The following CAPN9 variants were observed in gnomAD, a reference collection of about 807,000 sequenced individuals.
The protein encoded by CAPN9 is calpain 9.
A neutral mutation model predicts 92.8 loss-of-function variants in CAPN9; 81 were observed. The observed-to-expected ratio is 0.87, with a 90% CI of 0.73 to 1.05. The LOEUF (loss-of-function observed/expected upper bound fraction) is 1.05, where lower values mean the gene tolerates loss of function less well. Among genes scored for constraint, CAPN9 ranks in the 50% least tolerant of loss-of-function variants. The probability of loss-of-function intolerance (pLI) is 0.00; values close to 1 mark genes in which losing one functional copy is unlikely to be tolerated. For synonymous variants in CAPN9, 304 were observed against 328.0 expected, an observed-to-expected ratio of 0.93 and a Z score of 0.79; for missense variants, 848 against 866.2, an observed-to-expected ratio of 0.98 and a Z score of 0.26.
intron 17 of CAPN9, among the ~76,000 whole-genome samples, chr1:230,794,524 T>C (rs942497608): frequency 7.2e-5 from 11 of 151,882 alleles, no homozygotes; most frequent in African/African-American, 2.2e-4. Flanking sequence ...GAAGTTCACT[T>C]TGTCTAAACT....
At chr1:230,767,488 A>T (rs11122590) in intron 4 of CAPN9, 53 bp from the exon 5 acceptor site, 1 of 1,450,576 alleles carries the variant, frequency 6.9e-7, no homozygotes, top group Admixed American at 2.2e-5. Context: ...AGGGTGCCCC[A>T]GTGGCCTCCC....
At chr1:230,773,010 C>T (rs1231605381) in intron 7 of CAPN9, among the ~76,000 whole-genome samples, 1 of 152,038 alleles carries the variant, frequency 6.6e-6, no homozygotes, top group East Asian at 1.9e-4. Context: ...AAGCCCTTTC[C>T]TGCCACATCC....
At position 230,760,646 on chromosome 1, in the gene CAPN9, C is replaced by T. The variant is rs372056105; in HGVS notation, c.402+1016C>T. 1.4e-4 allele frequency among the ~76,000 whole-genome samples: 22 copies of T among 152,296 alleles called. No individual in the cohort carries two copies. The East Asian group carries it at 4.1e-3, about 28-fold the overall frequency. ...CCTGCGCCGGCTGGGGACAGAGCCA[C>T]TTTGGGTCCCAGGGAAACTCTACCC... is the stretch of plus-strand genomic sequence containing the variant. On this transcript the variant is annotated intron_variant, in intron 3 of 19. Coordinates refer to ENST00000271971, the MANE Select transcript of CAPN9 (RefSeq NM_006615.3).
intron 19 of CAPN9, among the ~76,000 whole-genome samples, chr1:230,799,249 T>C (rs1029233320): frequency 1.3e-5 from 2 of 152,224 alleles, no homozygotes; most frequent in African/African-American, 4.8e-5. Flanking sequence ...GTATGTGTTT[T>C]AGAGGATTGT....
In CAPN9 at chr1:230,769,220, G is replaced by A. The variant is rs752871765; in HGVS notation, c.746G>A (p.Gly249Asp). Residue 249 changes from glycine to aspartate, a missense_variant, in exon 6 of 20, where the codon GGT becomes GAT. Gly to Asp is a moderately conservative substitution (Grantham distance 94). Coordinates refer to ENST00000271971, the MANE Select transcript of CAPN9 (RefSeq NM_006615.3). ...GAATCTGAGGCCCGGACGCCGTTTG[G>A]TCTTATTAAGGGTCATGCCTACAGT... Reference protein sequence around the residue: ...AAESEARTPFGLIKGHAYSVT... With the variant: ...AAESEARTPFDLIKGHAYSVT... The A allele has an allele frequency of 2.5e-6, 4 of 1,614,082 alleles. No homozygotes were observed. The East Asian group carries it at 8.9e-5, about 36-fold the overall frequency.
chr1:230,795,559 A>C, intron 18 of CAPN9: 1 of 361,592 alleles, frequency 2.8e-6, no homozygotes, highest in Non-Finnish European at 5.2e-6. Context: ...GTGTTTGAGG[A>C]AAGGTTCAAT....
intron 2 of CAPN9, 140 bp from the exon 3 acceptor site, chr1:230,759,372 G>A (rs960986583): frequency 4.8e-6 from 3 of 625,282 alleles, no homozygotes; most frequent in South Asian, 4.0e-5. Context: ...AGAGTTATTT[G>A]TTGGTGTCCT....
At chr1:230,752,552 C>T (rs1664915833) in intron 1 of CAPN9, 1 of 301,112 alleles carries the variant, frequency 3.3e-6, no homozygotes, top group South Asian at 1.3e-4. Context: ...GCTGCAGGCA[C>T]AGTTGGTACG....
chr1:230,773,388 C>A (rs996617272), intron 7 of CAPN9, among the ~76,000 whole-genome samples: 1 of 152,150 alleles, frequency 6.6e-6, no homozygotes. Context: ...GACTGCGTCA[C>A]GTTGTAAGAT....
chr1:230,753,851 T>TCCCTCCCC (rs1665025856), intron 1 of CAPN9, among the ~76,000 whole-genome samples: 1 of 57,048 alleles, frequency 1.8e-5, no homozygotes. Context: ...CCTCCCTCCC[T>TCCCTCCCC]CCCTCCCTCC....
chr1:230,795,344 C>A, intron 18 of CAPN9, 65 bp downstream of exon 18: 1 of 916,922 alleles, frequency 1.1e-6, no homozygotes, highest in Non-Finnish European at 1.8e-6. Flanking sequence ...TCCATGAGCG[C>A]ATGAGAAACA....
Position 230,747,410 on chromosome 1 carries a change from T to C in CAPN9, c.-87T>C. 2.5e-6 allele frequency: 3 copies of C among 1,203,852 alleles called. No homozygotes were observed. The highest frequency in any genetic ancestry group is 2.5e-6 in the Non-Finnish European group (2 of 810,880). The allele number at this position is 1,203,852 out of a possible 1,614,324, so 74.6% of individuals were successfully genotyped here. A position where few individuals can be genotyped will look rare whatever the true frequency, so the allele number is the denominator to read the frequency against. ...CTCAGCCCAGTGGCCCTCTGAGCTG[T>C]TCCTTCTTGACCGGCACACACAGCT... On this transcript the variant is annotated 5_prime_UTR_variant, in exon 1 of 20. Transcript: ENST00000271971.
intron 1 of CAPN9, among the ~76,000 whole-genome samples, chr1:230,751,365 T>C (rs139064108): frequency 2.6e-5 from 4 of 151,826 alleles, no homozygotes; most frequent in African/African-American, 7.3e-5. Context: ...GCTGGAAATG[T>C]GGCTTTTCTT....
At chr1:230,757,745 A>C in intron 2 of CAPN9, among the ~76,000 whole-genome samples, 1 of 147,208 alleles carries the variant, frequency 6.8e-6, no homozygotes, top group Non-Finnish European at 1.5e-5. Context: ...ACTAGAACAC[A>C]CTTGGAACAG....
intron 1 of CAPN9, among the ~76,000 whole-genome samples, chr1:230,751,629 AAGAAAG>A (rs1664818778): frequency 1.2e-5 from 1 of 84,606 alleles, no homozygotes; most frequent in Non-Finnish European, 2.3e-5. Context: ...GAAAGAAAGA[AAGAAAG>A]AAAGAAAGAA....
At chr1:230,791,987 G>C (rs1456352719) in intron 15 of CAPN9, 59 bp downstream of exon 15, 3 of 1,223,614 alleles carry the variant, frequency 2.5e-6, no homozygotes, top group Middle Eastern at 1.9e-4. Context: ...AAGCACAGTA[G>C]AGTAATCTTC....
Position 230,780,242 on chromosome 1 carries a change from A to C in CAPN9, c.1178A>C (p.Glu393Ala), listed in dbSNP as rs1667119779. Residue 393 changes from glutamate (E) to alanine (A), a missense_variant, in exon 10 of 20, where the codon GAG becomes GCG. Transcript: ENST00000271971. ...ACTGAGAAAGATGAGGGGCAGGAGG[A>C]GTGTAGTTTCCTTGTAGCCCTGATG... Reference protein sequence around the residue: ...SLTEKDEGQEECSFLVALMQK... With the variant: ...SLTEKDEGQEACSFLVALMQK... The C allele has an allele frequency of 1.2e-6, 2 of 1,613,780 alleles. No homozygotes were observed. Among genetic ancestry groups the C allele is most frequent in the African/African-American group, 2.7e-5 (2 of 74,898 alleles).
Position 230,780,179 on chromosome 1 carries a change from A to T in CAPN9, c.1115A>T (p.Asp372Val). 1 of 1,611,180 alleles carries T rather than the reference A, an allele frequency of 6.2e-7. No homozygotes were observed. Among genetic ancestry groups the T allele is most frequent in the Non-Finnish European group, 8.5e-7 (1 of 1,179,156 alleles). Residue 372 changes from aspartate to valine, a missense_variant and splice_region_variant, in exon 10 of 20, where the codon GAT becomes GTT. Transcript: ENST00000271971. ...STAGGCRNFL[D>V]TFWTNPQIKL... ...ATAATCTACCTCTCCCAAATGACAG[A>T]TACCTTTTGGACCAATCCACAAATA...
At chr1:230,747,842 C>G (rs377398928) in intron 1 of CAPN9, 133 bp downstream of exon 1, 20 of 787,350 alleles carry the variant, frequency 2.5e-5, no homozygotes, top group Admixed American at 1.1e-4. Flanking sequence ...CCCAGTCTAC[C>G]GTGGAAAGCT....
Sources: gnomAD v4.1 joint callset for allele counts (sites outside exome capture counted in the v4.1 genomes callset) on GRCh38, gnomAD v4.1.1 for gene constraint, MANE v1.5 for transcripts, NCBI Gene and HGNC (gene_info 2026-07-23, HGNC 2026-07-21) for gene names.